Variants in CRPPA observed in about 807,000 individuals in gnomAD.
CRPPA encodes D-ribitol-5-phosphate cytidylyltransferase.
In CRPPA, 43 loss-of-function variants were observed where a neutral mutation model predicts 52.0. That is an observed-to-expected ratio of 0.83 (90% CI 0.65 to 1.07). The LOEUF (loss-of-function observed/expected upper bound fraction) is 1.07, where lower values mean the gene tolerates loss of function less well. CRPPA is among the 50% of genes least tolerant of loss of function. The probability of loss-of-function intolerance (pLI) is 0.00; values close to 1 mark genes in which losing one functional copy is unlikely to be tolerated. For missense variants in CRPPA, 629 were observed against 551.7 expected (o/e 1.14, Z -1.40); for synonymous variants, 250 against 203.5 (o/e 1.23, Z -1.94).
intron 3 of CRPPA, among the ~76,000 whole-genome samples, chr7:16,349,057 T>G (rs1786085266): frequency 6.6e-6 from 1 of 152,176 alleles, no homozygotes; most frequent in African/African-American, 2.4e-5. Context: ...TAACATATCC[T>G]CTCCCTAATT....
intron 8 of CRPPA, among the ~76,000 whole-genome samples, chr7:16,223,643 G>T (rs4721481): frequency 0.72 from 108,873 of 152,042 alleles, 39,166 homozygotes; most frequent in Admixed American, 0.81. Context: ...CAACTACTTA[G>T]GTGTTCTAGG....
At chr7:16,235,927 G>C (rs1449422864) in intron 8 of CRPPA, 1 of 151,936 alleles carries the variant, frequency 6.6e-6, no homozygotes, top group Non-Finnish European at 1.5e-5. Context: ...TAAAGCCCTG[G>C]GATCATTCAT....
At chr7:16,315,377 C>G (rs930656436) in intron 3 of CRPPA, among the ~76,000 whole-genome samples, 6 of 152,140 alleles carry the variant, frequency 3.9e-5, no homozygotes, top group Non-Finnish European at 8.8e-5. Flanking sequence ...CTTATGCTCA[C>G]TATTTCTTAT....
intron 2 of CRPPA, among the ~76,000 whole-genome samples, chr7:16,399,701 T>C (rs538683269): frequency 2.0e-5 from 3 of 151,914 alleles, no homozygotes; most frequent in Non-Finnish European, 4.4e-5. Flanking sequence ...GAGCAACACG[T>C]GACCAACATG....
At chr7:16,345,970 C>T (rs1489126598) in intron 3 of CRPPA, among the ~76,000 whole-genome samples, 1 of 152,170 alleles carries the variant, frequency 6.6e-6, no homozygotes, top group East Asian at 1.9e-4. Context: ...CTCAAAGTCT[C>T]GTTGTAGACG....
chr7:16,418,171 C>A (rs1788240503), intron 1 of CRPPA, among the ~76,000 whole-genome samples: 1 of 152,184 alleles, frequency 6.6e-6, no homozygotes, highest in Admixed American at 6.5e-5. Flanking sequence ...AAGCAGCACC[C>A]ACACACTGCT....
chr7:16,279,312 C>A, intron 5 of CRPPA, among the ~76,000 whole-genome samples: 1 of 152,144 alleles, frequency 6.6e-6, no homozygotes, highest in Non-Finnish European at 1.5e-5. Context: ...AATAGCACTG[C>A]TATTACTACC....
At chr7:16,175,503 GCACAGATTCACA>G (rs1192346241) in intron 9 of CRPPA, among the ~76,000 whole-genome samples, 1 of 152,098 alleles carries the variant, frequency 6.6e-6, no homozygotes, top group Non-Finnish European at 1.5e-5. Flanking sequence ...AATGCCAGAT[GCACAGATTCACA>G]CTCTTCTCCA....
intron 5 of CRPPA, among the ~76,000 whole-genome samples, chr7:16,295,479 A>G (rs894169676): frequency 2.6e-5 from 4 of 152,094 alleles, no homozygotes; most frequent in African/African-American, 7.2e-5. Context: ...GTTTTGTAGC[A>G]CAAGTTTACT....
At chr7:16,349,464 T>G (rs4001474) in intron 3 of CRPPA, among the ~76,000 whole-genome samples, 16,281 of 151,562 alleles carry the variant, frequency 0.11, 1,103 homozygotes, top group East Asian at 0.36. Flanking sequence ...ATGACCTGAG[T>G]GAAGTGAAGA....
intron 3 of CRPPA, among the ~76,000 whole-genome samples, chr7:16,314,027 G>C (rs1785091290): frequency 1.3e-5 from 2 of 151,950 alleles, no homozygotes; most frequent in African/African-American, 4.8e-5. Context: ...TTGATTTATA[G>C]TGTTACTGGG....
At chr7:16,301,334 T>C (rs774290991) in intron 5 of CRPPA, 87 bp downstream of exon 5, 5 of 1,059,630 alleles carry the variant, frequency 4.7e-6, no homozygotes, top group African/African-American at 1.6e-5. Flanking sequence ...GCTTTTGAGA[T>C]TGCTGGGATT....
In CRPPA at chr7:16,181,075, T is replaced by C. The variant is rs908359293; in HGVS notation, c.1251+34991A>G. On this transcript the variant is annotated intron_variant, in intron 9 of 9. Transcript: ENST00000407010. ...ATGATATAAAGATGAAGACTTTAAATTGATAATATTTTTTCCTCATAACGT... is the reference window on the plus strand; with the variant it reads ...ATGATATAAAGATGAAGACTTTAAACTGATAATATTTTTTCCTCATAACGT... 2.6e-5 allele frequency among the ~76,000 whole-genome samples: 4 copies of C among 152,110 alleles called. No individual in the cohort carries two copies. The South Asian group carries it at 6.2e-4, about 24-fold the overall frequency.
intron 1 of CRPPA, among the ~76,000 whole-genome samples, chr7:16,407,370 G>A (rs1787979493): frequency 6.6e-6 from 1 of 152,160 alleles, no homozygotes; most frequent in South Asian, 2.1e-4. Flanking sequence ...TGGCAGACTT[G>A]TCTGGAACAC....
intron 9 of CRPPA, among the ~76,000 whole-genome samples, chr7:16,154,613 T>C (rs1342234698): frequency 6.6e-6 from 1 of 152,200 alleles, no homozygotes; most frequent in African/African-American, 2.4e-5. Flanking sequence ...CACTGTTAAA[T>C]TTATGTCTTC....
chr7:16,179,079 T>A (rs1046679383), intron 9 of CRPPA, among the ~76,000 whole-genome samples: 1 of 152,014 alleles, frequency 6.6e-6, no homozygotes, highest in Non-Finnish European at 1.5e-5. Flanking sequence ...GGTAAAGCAA[T>A]CAGAAAAGTA....
intron 8 of CRPPA, among the ~76,000 whole-genome samples, chr7:16,241,389 T>C (rs1270185909): frequency 6.6e-6 from 1 of 152,096 alleles, no homozygotes; most frequent in Non-Finnish European, 1.5e-5. Flanking sequence ...TTCATGAGAT[T>C]TTTAACTCTC....
intron 2 of CRPPA, among the ~76,000 whole-genome samples, chr7:16,394,007 T>C (rs1787508533): frequency 6.6e-6 from 1 of 152,022 alleles, no homozygotes; most frequent in African/African-American, 2.4e-5. Context: ...GTAAATAGAC[T>C]GGAGGAAAGT....
At chr7:16,103,279 G>C (rs2128364641) in intron 9 of CRPPA, among the ~76,000 whole-genome samples, 1 of 152,220 alleles carries the variant, frequency 6.6e-6, no homozygotes, top group East Asian at 1.9e-4. Flanking sequence ...ACAGGAAGGG[G>C]AACATCACAC....
Sources: allele counts gnomAD v4.1 joint callset (sites outside exome capture counted in the v4.1 genomes callset), GRCh38; gene constraint gnomAD v4.1.1; transcripts MANE v1.5; gene names NCBI Gene and HGNC (gene_info 2026-07-23, HGNC 2026-07-21).